The following NBAS variants were observed in gnomAD, a reference collection of about 807,000 sequenced individuals.
The protein encoded by NBAS is NBAS subunit of NRZ tethering complex.
NBAS carries 219 observed loss-of-function variants against 302.5 expected under a neutral mutation model. That is an observed-to-expected ratio of 0.72 (90% CI 0.65 to 0.81). The LOEUF is 0.81. Ranked by LOEUF, NBAS falls within the 30% of genes least tolerant of loss-of-function variation. NBAS has a pLI of 0.00. For missense variants in NBAS, 2,932 were observed against 2,841.6 expected (o/e 1.03, Z -0.72); for synonymous variants, 1,118 against 1,021.6 (o/e 1.09, Z -1.80).
At chr2:14,783,429 C>A in the NBAS span, among the ~76,000 whole-genome samples, 3 of 150,576 alleles carry the variant, frequency 2.0e-5, no homozygotes, top group Non-Finnish European at 4.4e-5. Flanking sequence ...ATTAACTCGT[C>A]ATTTAGCATT....
At chr2:15,396,523 G>T in intron 26 of NBAS, 48 bp from the exon 27 acceptor site, 1 of 1,294,630 alleles carries the variant, frequency 7.7e-7, no homozygotes, top group Non-Finnish European at 1.1e-6. Flanking sequence ...TTTAGTATTA[G>T]CTTTTTAAAT....
At chr2:15,214,064 C>A (rs1301129627) in intron 48 of NBAS, among the ~76,000 whole-genome samples, 1 of 152,136 alleles carries the variant, frequency 6.6e-6, no homozygotes, top group Non-Finnish European at 1.5e-5. Flanking sequence ...TTATTCCAAG[C>A]AAATCATTTT....
At chr2:14,840,398 C>T in the NBAS span, among the ~76,000 whole-genome samples, 1 of 152,036 alleles carries the variant, frequency 6.6e-6, no homozygotes, top group East Asian at 1.9e-4. Flanking sequence ...CATTCCAAAC[C>T]TTGATAAACA....
At chr2:14,821,724 C>T in the NBAS span, among the ~76,000 whole-genome samples, 128 of 152,100 alleles carry the variant, frequency 8.4e-4, no homozygotes, top group African/African-American at 3.0e-3. Context: ...TAGATACATC[C>T]AAAATGGGCT....
intron 21 of NBAS, among the ~76,000 whole-genome samples, chr2:15,446,829 G>T (rs80180373): frequency 0.013 from 1,927 of 151,128 alleles, 31 homozygotes; most frequent in East Asian, 0.059. Flanking sequence ...ACTATTTGAA[G>T]TTAGACTATT....
the NBAS span, among the ~76,000 whole-genome samples, chr2:15,131,983 A>G: frequency 6.6e-6 from 1 of 152,080 alleles, no homozygotes. Flanking sequence ...TGGTCCAAAC[A>G]CCTCCTACTA....
At chr2:15,001,232 T>G in the NBAS span, among the ~76,000 whole-genome samples, 1 of 152,154 alleles carries the variant, frequency 6.6e-6, no homozygotes, top group Non-Finnish European at 1.5e-5. Flanking sequence ...TTCGCCAGGA[T>G]TTTCACATAT....
At chr2:15,112,691 A>C in the NBAS span, among the ~76,000 whole-genome samples, 2 of 152,234 alleles carry the variant, frequency 1.3e-5, no homozygotes, top group Admixed American at 6.5e-5. Context: ...AAATTTTGAC[A>C]TAAATACTGA....
intron 48 of NBAS, among the ~76,000 whole-genome samples, chr2:15,211,029 GAGTT>G (rs956338493): frequency 9.9e-5 from 15 of 152,152 alleles, no homozygotes; most frequent in African/African-American, 3.4e-4. Context: ...TAGAAAAAAA[GAGTT>G]AGAATAAATA....
the NBAS span, among the ~76,000 whole-genome samples, chr2:15,103,573 G>T: frequency 6.6e-6 from 1 of 152,154 alleles, no homozygotes; most frequent in Non-Finnish European, 1.5e-5. Flanking sequence ...TGGGAAGATG[G>T]ACCGTGTCTT....
intron 23 of NBAS, 142 bp from the exon 24 acceptor site, chr2:15,417,854 C>T (rs955984290): frequency 7.8e-6 from 6 of 770,748 alleles, no homozygotes; most frequent in Admixed American, 5.7e-5. Context: ...TTTTTATTTA[C>T]TGCAAAAACA....
At chr2:14,800,785 G>GTTTTTTTTTTTTTTTTTTTTTTTTTTT in the NBAS span, among the ~76,000 whole-genome samples, 3 of 129,526 alleles carry the variant, frequency 2.3e-5, 1 homozygote, top group African/African-American at 3.2e-5. Flanking sequence ...GATTTAAATT[G>GTTTTTTTTTTTTTTTTTTTTTTTTTTT]TTTTTGTTTT....
the NBAS span, among the ~76,000 whole-genome samples, chr2:15,013,183 G>T: frequency 1.3e-5 from 2 of 152,124 alleles, no homozygotes; most frequent in Non-Finnish European, 2.9e-5. Context: ...ATCACAACTA[G>T]TCTGGCCTTA....
At chr2:15,485,396 A>G (rs1680581320) in intron 12 of NBAS, among the ~76,000 whole-genome samples, 1 of 152,240 alleles carries the variant, frequency 6.6e-6, no homozygotes, top group Non-Finnish European at 1.5e-5. Flanking sequence ...GTATTGTGGG[A>G]AAAAATGTGT....
the NBAS span, among the ~76,000 whole-genome samples, chr2:14,889,787 A>G: frequency 6.6e-6 from 1 of 152,238 alleles, no homozygotes; most frequent in Non-Finnish European, 1.5e-5. Flanking sequence ...GGAGAGGATG[A>G]AAATTAACCA....
At chr2:14,858,159 A>C in the NBAS span, among the ~76,000 whole-genome samples, 1 of 152,258 alleles carries the variant, frequency 6.6e-6, no homozygotes, top group African/African-American at 2.4e-5. Flanking sequence ...TCCAAAAGTC[A>C]GGCAATAACA....
chr2:15,519,978 A>G (rs1439172046), intron 9 of NBAS, among the ~76,000 whole-genome samples: 1 of 152,220 alleles, frequency 6.6e-6, no homozygotes, highest in Non-Finnish European at 1.5e-5. Context: ...AAAACATGGG[A>G]ATTTTTCCTG....
chr2:14,794,265 T>G, the NBAS span, among the ~76,000 whole-genome samples: 11 of 152,326 alleles, frequency 7.2e-5, no homozygotes, highest in Non-Finnish European at 1.5e-4. Flanking sequence ...ATCCTTAACT[T>G]TGGCAAATAA....
chr2:15,402,272 G>A lies in NBAS; in HGVS notation c.2967C>T (p.Asp989=). Residue 989 remains aspartate (D), a synonymous_variant, in exon 26 of 52, where the codon GAC becomes GAT. Coordinates refer to ENST00000281513, the MANE Select transcript of NBAS (RefSeq NM_015909.4). ...ACTCTAGTGCTATTGCCATCAGTTG[G>A]TCCTGATCAGGAATAATTTTTTGCT... ...DLQQKIIPDQ[D]QLMAIALECI... 2 of 1,613,508 alleles carry A rather than the reference G, an allele frequency of 1.2e-6. No homozygotes were observed. Among genetic ancestry groups the A allele is most frequent in the South Asian group, 1.1e-5 (1 of 91,064 alleles).
Sources: gnomAD v4.1 joint callset for allele counts (sites outside exome capture counted in the v4.1 genomes callset) on GRCh38, gnomAD v4.1.1 for gene constraint, MANE v1.5 for transcripts, NCBI Gene and HGNC (gene_info 2026-07-23, HGNC 2026-07-21) for gene names.